CDH12: variants seen among roughly 807,000 people sequenced by gnomAD.
CDH12 encodes the protein cadherin-12.
A neutral mutation model predicts 74.1 loss-of-function variants in CDH12; 41 were observed. The ratio of observed to expected loss-of-function variants is 0.55; its 90% CI spans 0.43 to 0.72. CDH12 has a LOEUF of 0.72. CDH12 is among the 30% of genes least tolerant of loss of function. The pLI is 0.00. For missense variants in CDH12, 945 were observed against 977.2 expected (o/e 0.97, Z 0.44); for synonymous variants, 399 against 355.0 (o/e 1.12, Z -1.39).
intron 4 of CDH12, chr5:22,151,884 T>C (rs1435080748): frequency 1.3e-5 from 2 of 152,134 alleles, no homozygotes; most frequent in Non-Finnish European, 2.9e-5. Context: ...ATGTCAACTT[T>C]TGAAAACAGA....
intron 1 of CDH12, among the ~76,000 whole-genome samples, chr5:22,537,714 A>G (rs1737915729): frequency 6.6e-6 from 1 of 152,196 alleles, no homozygotes; most frequent in African/African-American, 2.4e-5. Flanking sequence ...CTCTAAAAAA[A>G]CAATAAATAC....
intron 13 of CDH12, among the ~76,000 whole-genome samples, chr5:21,759,812 C>T (rs1450172980): frequency 6.6e-6 from 1 of 151,874 alleles, no homozygotes; most frequent in Non-Finnish European, 1.5e-5. Flanking sequence ...CAATAGTTAT[C>T]TTTTCTGCTC....
intron 4 of CDH12, among the ~76,000 whole-genome samples, chr5:22,195,462 T>G (rs1360961534): frequency 6.6e-6 from 1 of 152,184 alleles, no homozygotes; most frequent in East Asian, 1.9e-4. Context: ...GCCATTCTTA[T>G]AACCATTATG....
chr5:22,753,486 G>A (rs1745713533), intron 1 of CDH12, among the ~76,000 whole-genome samples: 1 of 148,038 alleles, frequency 6.8e-6, no homozygotes, highest in African/African-American at 2.5e-5. Context: ...GCCTTGGTGA[G>A]GAGTTTGGGT....
intron 1 of CDH12, among the ~76,000 whole-genome samples, chr5:22,602,085 C>T (rs1736877730): frequency 1.3e-5 from 2 of 151,896 alleles, no homozygotes; most frequent in African/African-American, 4.8e-5. Context: ...TAATTATTTC[C>T]AATTATTAAA....
chr5:22,673,479 T>C (rs268962), intron 1 of CDH12, among the ~76,000 whole-genome samples: 10,020 of 152,196 alleles, frequency 0.066, 642 homozygotes, highest in African/African-American at 0.16. Context: ...CATTTCTTCA[T>C]TGTATAATGG....
chr5:22,004,470 C>T (rs1736819062), intron 5 of CDH12, among the ~76,000 whole-genome samples: 1 of 152,142 alleles, frequency 6.6e-6, no homozygotes, highest in South Asian at 2.1e-4. Flanking sequence ...TTTCCTTAAC[C>T]TCATTTCCTA....
chr5:22,507,882 C>T (rs1006109305), intron 1 of CDH12, among the ~76,000 whole-genome samples: 3 of 152,168 alleles, frequency 2.0e-5, no homozygotes, highest in African/African-American at 7.2e-5. Context: ...ATCCATTTCT[C>T]GCCTCTTCCA....
intron 1 of CDH12, among the ~76,000 whole-genome samples, chr5:22,612,290 T>C (rs987450352): frequency 6.6e-6 from 1 of 152,164 alleles, no homozygotes; most frequent in Non-Finnish European, 1.5e-5. Context: ...AGGTTAACAC[T>C]TGTCTTAGGT....
intron 5 of CDH12, among the ~76,000 whole-genome samples, chr5:22,024,834 C>T (rs1738247135): frequency 6.6e-6 from 1 of 152,076 alleles, no homozygotes; most frequent in African/African-American, 2.4e-5. Context: ...TAAATTAGTA[C>T]ACAGAAAATC....
chr5:22,394,338 C>T (rs1561370261), intron 3 of CDH12, among the ~76,000 whole-genome samples: 1 of 152,192 alleles, frequency 6.6e-6, no homozygotes, highest in Non-Finnish European at 1.5e-5. Context: ...AGACATACTG[C>T]TAGCTTGGAC....
chr5:22,204,169 T>G (rs1474325745), intron 4 of CDH12, among the ~76,000 whole-genome samples: 24 of 148,496 alleles, frequency 1.6e-4, no homozygotes, highest in East Asian at 9.7e-4. Context: ...TTTGTTTTTT[T>G]TTTTTTGTTT....
At chr5:22,352,999 T>C (rs1740418638) in intron 3 of CDH12, among the ~76,000 whole-genome samples, 1 of 152,140 alleles carries the variant, frequency 6.6e-6, no homozygotes, top group South Asian at 2.1e-4. Context: ...CAAAGATGAA[T>C]ACCAAACAGA....
At chr5:21,825,961 C>T (rs936865693) in intron 8 of CDH12, among the ~76,000 whole-genome samples, 1 of 152,216 alleles carries the variant, frequency 6.6e-6, no homozygotes, top group African/African-American at 2.4e-5. Context: ...AATGCTTTAG[C>T]CCAGGGACCA....
chr5:22,276,409 A>G lies in CDH12; in HGVS notation c.-332-63766T>C, dbSNP rs577848464. ...GTGTTTCAAGCTCAATATGTCTTGT[A>G]CTAGTATTATATGTTATGTAATACA... On this transcript the variant is annotated intron_variant, in intron 3 of 14. Transcript: ENST00000382254. Among the ~76,000 whole-genome samples, 68 of 152,356 alleles carry G rather than the reference A, an allele frequency of 4.5e-4. 1 individual carries two copies. The highest frequency in any genetic ancestry group is 1.6e-3 in the African/African-American group (67 of 41,594).
intron 1 of CDH12, among the ~76,000 whole-genome samples, chr5:22,537,880 G>A (rs1737927227): frequency 6.6e-6 from 1 of 152,196 alleles, no homozygotes. Context: ...AGAAAAGGCT[G>A]TGAATGATTG....
At chr5:22,567,723 A>G (rs1369081558) in intron 1 of CDH12, among the ~76,000 whole-genome samples, 2 of 152,224 alleles carry the variant, frequency 1.3e-5, no homozygotes, top group South Asian at 4.1e-4. Flanking sequence ...TTACTTTGGC[A>G]TCATTGATTG....
intron 1 of CDH12, among the ~76,000 whole-genome samples, chr5:22,813,474 C>G (rs1453179122): frequency 3.9e-5 from 6 of 152,148 alleles, no homozygotes; most frequent in Non-Finnish European, 8.8e-5. Context: ...TACTACCATG[C>G]TCCATGATCT....
At chr5:22,575,092 T>C (rs1352050734) in intron 1 of CDH12, among the ~76,000 whole-genome samples, 1 of 152,196 alleles carries the variant, frequency 6.6e-6, no homozygotes, top group African/African-American at 2.4e-5. Context: ...GGACAGCAGG[T>C]AGAAAGAGAA....
Sources: gnomAD v4.1 joint callset for allele counts (sites outside exome capture counted in the v4.1 genomes callset) on GRCh38, gnomAD v4.1.1 for gene constraint, MANE v1.5 for transcripts, NCBI Gene and HGNC (gene_info 2026-07-23, HGNC 2026-07-21) for gene names.